The following TRAF4 variants were observed in gnomAD, a reference collection of about 807,000 sequenced individuals.
The protein encoded by TRAF4 is TNF receptor-associated factor 4.
In TRAF4, 9 loss-of-function variants were observed where a neutral mutation model predicts 47.3. That is an observed-to-expected ratio of 0.19 (90% confidence interval 0.11 to 0.33). The LOEUF (loss-of-function observed/expected upper bound fraction) is 0.33, where lower values mean the gene tolerates loss of function less well. Among genes scored for constraint, TRAF4 ranks in the 10% least tolerant of loss-of-function variants. TRAF4 has a pLI of 1.00. For synonymous variants in TRAF4, 236 were observed against 236.9 expected (o/e 1.00, Z 0.04); for missense variants, 448 against 620.3 (o/e 0.72, Z 2.95).
In TRAF4 at chr17:28,744,012, G is replaced by GT. The variant is rs1485581801; in HGVS notation, c.-100dup. 9.9e-7 allele frequency: 1 copy of GT among 1,008,990 alleles called. No individual in the cohort carries two copies. Among genetic ancestry groups the GT allele is most frequent in the African/African-American group, 1.7e-5 (1 of 57,218 alleles). 62.5% of individuals were successfully genotyped at this position (1,008,990 alleles called of 1,614,324 possible). On this transcript the variant is annotated 5_prime_UTR_variant, in exon 1 of 7. Transcript: ENST00000262395. Reference sequence around the variant, plus strand: ...AGCCGAGCCCTGGCCGCGACCGCCAGTCGGCGCCGCCCGGAGCCGGGAGCG... The same window carrying GT: ...AGCCGAGCCCTGGCCGCGACCGCCAGTTCGGCGCCGCCCGGAGCCGGGAGCG...
At position 28,749,534 on chromosome 17, in the gene TRAF4, T is replaced by G. The variant is rs768689325; in HGVS notation, c.1370T>G (p.Phe457Cys). The change falls in exon 7 of 7, where the codon TTC becomes TGC. Residue 457 changes from phenylalanine (F) to cysteine (C), a missense_variant. By Grantham distance (205) the Phe-to-Cys change is radical. Coordinates refer to ENST00000262395, the MANE Select transcript of TRAF4 (RefSeq NM_004295.4). The stretch of plus-strand genomic sequence containing the variant: ...AACTATGTGCGGGATGATGCAGTCT[T>G]CATCCGTGCTGCTGTTGAACTGCCC... ...KRNYVRDDAV[F>C]IRAAVELPRK... 1 of 1,613,680 alleles carries G rather than the reference T, an allele frequency of 6.2e-7. No homozygotes were observed. The highest frequency in any genetic ancestry group is 1.1e-5 in the South Asian group (1 of 91,078).
At position 28,744,032 on chromosome 17, in the gene TRAF4, G is replaced by A. The variant is rs1027025623; in HGVS notation, c.-81G>A. The A allele has an allele frequency of 5.3e-5, 56 of 1,046,968 alleles. No homozygotes were observed. Among genetic ancestry groups the A allele is most frequent in the Non-Finnish European group, 6.2e-5 (54 of 873,138 alleles). The allele number at this position is 1,046,968 out of a possible 1,614,324, so 64.9% of individuals were successfully genotyped here. On this transcript the variant is annotated 5_prime_UTR_variant, in exon 1 of 7. Coordinates refer to ENST00000262395, the MANE Select transcript of TRAF4 (RefSeq NM_004295.4). ...CGCCAGTCGGCGCCGCCCGGAGCCG[G>A]GAGCGCCGCTCCAGCGAGGCGCGGG... is the stretch of plus-strand genomic sequence containing the variant.
chr17:28,747,563 C>A, intron 2 of TRAF4: 1 of 584,930 alleles, frequency 1.7e-6, no homozygotes, highest in South Asian at 2.2e-5. Flanking sequence ...CAGTATCCCT[C>A]CACCAGGGGA....
Position 28,749,366 on chromosome 17 carries a change from C to T in TRAF4, c.1202C>T (p.Pro401Leu), listed in dbSNP as rs989350410. 2.5e-6 allele frequency: 4 copies of T among 1,614,008 alleles called. No homozygotes were observed. Among genetic ancestry groups the T allele is most frequent in the Non-Finnish European group, 3.4e-6 (4 of 1,180,024 alleles). ...CAGAGCGACCCTGGGCTGGCTAAAC[C>T]ACAGCACGTCACTGAGACCTTCCAC... ...LDQSDPGLAK[P>L]QHVTETFHPD... Residue 401 changes from proline to leucine, a missense_variant, in exon 7 of 7, where the codon CCA (proline) becomes CTA (leucine). Pro to Leu is a moderately conservative substitution (Grantham distance 98). Transcript: ENST00000262395.
intron 4 of TRAF4, 27 bp from the exon 5 acceptor site, chr17:28,748,232 CTCT>C: frequency 6.8e-6 from 11 of 1,612,564 alleles, no homozygotes; most frequent in Non-Finnish European, 9.3e-6. Flanking sequence ...GCCTAGGCAT[CTCT>C]TAACTCAGCA....
chr17:28,747,434 C>T, intron 2 of TRAF4, 170 bp downstream of exon 2: 1 of 761,530 alleles, frequency 1.3e-6, no homozygotes, highest in South Asian at 1.9e-5. Context: ...AAACGAGGCC[C>T]CTGTTTGCCC....
At chr17:28,745,925 T>TC (rs1458892524) in intron 1 of TRAF4, among the ~76,000 whole-genome samples, 1 of 151,766 alleles carries the variant, frequency 6.6e-6, no homozygotes, top group African/African-American at 2.4e-5. Flanking sequence ...GTGGACCCCC[T>TC]CCCCCTGGGC....
In TRAF4 at chr17:28,744,131, A is replaced by C; in HGVS notation, c.19A>C (p.Lys7Gln). 1 of 1,583,666 alleles carries C rather than the reference A, an allele frequency of 6.3e-7. No homozygotes were observed. The highest frequency in any genetic ancestry group is 8.5e-7 in the Non-Finnish European group (1 of 1,173,478). Residue 7 changes from lysine (K) to glutamine (Q), a missense_variant, in exon 1 of 7, where the codon AAG (lysine) becomes CAG (glutamine). Lys to Gln is a moderately conservative substitution (Grantham distance 53, BLOSUM62 1). Coordinates refer to ENST00000262395, the MANE Select transcript of TRAF4 (RefSeq NM_004295.4). MPGFDY[K>Q]FLEKPKRRLL... The stretch of plus-strand genomic sequence containing the variant: ...GCCCGCCATGCCTGGCTTCGACTAC[A>C]AGTTCCTGGAGAAGCCCAAGCGACG...
rs780700311 is a variant in TRAF4, at chr17:28,748,669, G to A, written c.780+3G>A. 91 of 1,608,960 alleles carry A rather than the reference G, an allele frequency of 5.7e-5. No homozygotes were observed. Among genetic ancestry groups the A allele is most frequent in the Non-Finnish European group, 7.6e-5 (90 of 1,179,790 alleles). On this transcript the variant is annotated splice_donor_region_variant and intron_variant, in intron 6 of 6. Transcript: ENST00000262395. ...AAGACTCCGGCTGCAAGCACAGGGT[G>A]AGATGCCCCTTTTCCTGTCAGCCCC...
intron 1 of TRAF4, among the ~76,000 whole-genome samples, 197 bp downstream of exon 1, chr17:28,744,452 G>A (rs540050487): frequency 2.4e-4 from 36 of 152,136 alleles, no homozygotes; most frequent in African/African-American, 7.9e-4. Flanking sequence ...CGAGGGGTCC[G>A]GGCGGGTCCC....
At position 28,749,968 on chromosome 17, in the gene TRAF4, AT is replaced by A. The variant is rs888632555; in HGVS notation, c.*397del. 21 of 668,020 alleles carry A rather than the reference AT, an allele frequency of 3.1e-5. No homozygotes were observed. Among genetic ancestry groups the A allele is most frequent in the Non-Finnish European group, 5.0e-5 (18 of 362,930 alleles). The allele number at this position is 668,020 out of a possible 1,614,324, so 41.4% of individuals were successfully genotyped here. A position where few individuals can be genotyped will look rare whatever the true frequency, so the allele number is the denominator to read the frequency against. On this transcript the variant is annotated 3_prime_UTR_variant, in exon 7 of 7. Coordinates refer to ENST00000262395, the MANE Select transcript of TRAF4 (RefSeq NM_004295.4). ...TTCAAAGAGTCTGTCTTGAGATCTGATTTTTTCCCCCTTTACCTAGCTGTGC... is the reference window on the plus strand; with the variant it reads ...TTCAAAGAGTCTGTCTTGAGATCTGATTTTTCCCCCTTTACCTAGCTGTGC...
chr17:28,749,747 A>G lies in TRAF4; in HGVS notation c.*170A>G. ...CTCAGGTGCCTCCAATTGGTGCTTC[A>G]GCCCTGGCCCCTGTGGGGAACAGGT... On this transcript the variant is annotated 3_prime_UTR_variant, in exon 7 of 7. Transcript: ENST00000262395. 8.8e-7 allele frequency: 1 copy of G among 1,142,112 alleles called. No homozygotes were observed. Among genetic ancestry groups the G allele is most frequent in the Non-Finnish European group, 1.3e-6 (1 of 787,490 alleles). 70.7% of individuals were successfully genotyped at this position (1,142,112 alleles called of 1,614,324 possible).
intron 1 of TRAF4, chr17:28,744,957 G>C (rs937774776): frequency 1.3e-5 from 2 of 152,416 alleles, no homozygotes; most frequent in Non-Finnish European, 2.9e-5. Flanking sequence ...TCAGGACGCA[G>C]GTTAGCCCTT....
chr17:28,744,031 G>C lies in TRAF4; in HGVS notation c.-82G>C, dbSNP rs1190421495. On this transcript the variant is annotated 5_prime_UTR_variant, in exon 1 of 7. Transcript: ENST00000262395. ...CCGCCAGTCGGCGCCGCCCGGAGCCGGGAGCGCCGCTCCAGCGAGGCGCGG... is the reference window on the plus strand; with the variant it reads ...CCGCCAGTCGGCGCCGCCCGGAGCCCGGAGCGCCGCTCCAGCGAGGCGCGG... 44 of 1,042,194 alleles carry C rather than the reference G, an allele frequency of 4.2e-5. No individual in the cohort carries two copies. Among genetic ancestry groups the C allele is most frequent in the South Asian group, 3.5e-4 (8 of 22,696 alleles). 64.6% of individuals were successfully genotyped at this position (1,042,194 alleles called of 1,614,324 possible).
Position 28,749,326 on chromosome 17 carries a change from T to A in TRAF4, c.1162T>A (p.Phe388Ile). 6.2e-7 allele frequency: 1 copy of A among 1,614,092 alleles called. No individual in the cohort carries two copies. Among genetic ancestry groups the A allele is most frequent in the Non-Finnish European group, 8.5e-7 (1 of 1,180,044 alleles). ...GTGGCCCTTTGCCCGCCGTGTCACC[T>A]TCTCCCTGCTGGATCAGAGCGACCC... ...LEWPFARRVT[F>I]SLLDQSDPGL... The change falls in exon 7 of 7, where the codon TTC becomes ATC. Residue 388 changes from phenylalanine to isoleucine, a missense_variant. Transcript: ENST00000262395.
rs1268038913 is a variant in TRAF4, at chr17:28,749,793, G to C, written c.*216G>C. 1 of 801,226 alleles carries C rather than the reference G, an allele frequency of 1.2e-6. No homozygotes were observed. The highest frequency in any genetic ancestry group is 2.1e-6 in the Non-Finnish European group (1 of 475,776). 49.6% of individuals were successfully genotyped at this position (801,226 alleles called of 1,614,324 possible). A position where few individuals can be genotyped will look rare whatever the true frequency, so the allele number is the denominator to read the frequency against. On this transcript the variant is annotated 3_prime_UTR_variant, in exon 7 of 7. Transcript: ENST00000262395. ...CAGGTCTTGGGGTCATGAAGGGCTG[G>C]AAACAAGTGACCCCAGGGCCTGTCT... is the stretch of plus-strand genomic sequence containing the variant.
chr17:28,745,550 GC>G (rs71135846), intron 1 of TRAF4: 129,665 of 144,584 alleles, frequency 0.9, 58,411 homozygotes, highest in African/African-American at 0.98. Context: ...CACCTTCTTG[GC>G]CCCCCTCTCT....
Position 28,749,507 on chromosome 17 carries a change from G to C in TRAF4, c.1343G>C (p.Arg448Pro), listed in dbSNP as rs751150016. The C allele has an allele frequency of 3.1e-6, 5 of 1,613,888 alleles. No individual in the cohort carries two copies. Among genetic ancestry groups the C allele is most frequent in the Non-Finnish European group, 4.2e-6 (5 of 1,180,042 alleles). The change falls in exon 7 of 7, where the codon CGA (arginine) becomes CCA (proline). Residue 448 changes from arginine (R) to proline (P), a missense_variant. Physicochemically the swap from Arg to Pro is moderately radical, Grantham distance 103 (BLOSUM62 -2). Transcript: ENST00000262395. The stretch of plus-strand genomic sequence containing the variant: ...ATCTCCCACCAGGACATTCGAAAGC[G>C]AAACTATGTGCGGGATGATGCAGTC... ...KFISHQDIRK[R>P]NYVRDDAVFI...
In TRAF4 at chr17:28,749,436, G is replaced by T; in HGVS notation, c.1272G>T (p.Arg424=). The change falls in exon 7 of 7, where the codon CGG becomes CGT. Residue 424 remains arginine (R), a synonymous_variant. Coordinates refer to ENST00000262395, the MANE Select transcript of TRAF4 (RefSeq NM_004295.4). The part of the protein sequence containing the change: ...WKNFQKPGTW[R]GSLDESSLGF... ...ATTTCCAGAAGCCAGGCACGTGGCG[G>T]GGCTCCCTGGATGAGAGTTCTCTGG... The T allele has an allele frequency of 1.2e-6, 2 of 1,613,982 alleles. No homozygotes were observed. The highest frequency in any genetic ancestry group is 1.7e-6 in the Non-Finnish European group (2 of 1,180,032).
Sources: allele counts gnomAD v4.1 joint callset (sites outside exome capture counted in the v4.1 genomes callset), GRCh38; gene constraint gnomAD v4.1.1; transcripts MANE v1.5; gene names NCBI Gene and HGNC (gene_info 2026-07-23, HGNC 2026-07-21).